Variants in BBX observed in about 807,000 individuals in gnomAD.
BBX encodes HMG box transcription factor BBX.
A neutral mutation model predicts 100.2 loss-of-function variants in BBX; 30 were observed. The observed-to-expected ratio is 0.30, with a 90% CI of 0.22 to 0.41. The LOEUF is 0.41. BBX is among the 10% of genes least tolerant of loss of function. The pLI is 1.00. For missense variants in BBX, 1,023 were observed against 1,129.8 expected (o/e 0.91, Z 1.35); for synonymous variants, 376 against 388.1 (o/e 0.97, Z 0.37).
intron 3 of BBX, among the ~76,000 whole-genome samples, chr3:107,656,133 A>C (rs1030446306): frequency 6.6e-6 from 1 of 152,140 alleles, no homozygotes; most frequent in Non-Finnish European, 1.5e-5. Flanking sequence ...ATTTTCCTTC[A>C]TTTCAAGTTA....
chr3:107,741,001 A>G (rs1431692064), intron 7 of BBX, among the ~76,000 whole-genome samples: 1 of 149,962 alleles, frequency 6.7e-6, no homozygotes, highest in Non-Finnish European at 1.5e-5. Context: ...GCTTCTTGAA[A>G]GTAGCAGTCT....
intron 2 of BBX, among the ~76,000 whole-genome samples, chr3:107,640,095 A>G (rs1048357676): frequency 2.0e-5 from 3 of 152,176 alleles, no homozygotes; most frequent in Non-Finnish European, 4.4e-5. Flanking sequence ...CAACAATTAG[A>G]GATGTAGGGA....
At chr3:107,604,144 G>C (rs1464242923) in intron 2 of BBX, among the ~76,000 whole-genome samples, 1 of 152,138 alleles carries the variant, frequency 6.6e-6, no homozygotes, top group African/African-American at 2.4e-5. Context: ...TGGGGATGGG[G>C]CCTGGGCATT....
At chr3:107,611,573 G>A (rs565433488) in intron 2 of BBX, among the ~76,000 whole-genome samples, 167 of 152,268 alleles carry the variant, frequency 1.1e-3, no homozygotes, top group African/African-American at 3.6e-3. Context: ...CCTGGCTTGT[G>A]AGGTTTCCAC....
chr3:107,713,959 A>ATTT (rs1233095247), intron 4 of BBX, among the ~76,000 whole-genome samples: 1 of 102,394 alleles, frequency 9.8e-6, no homozygotes, highest in Non-Finnish European at 2.2e-5. Flanking sequence ...TTTTTTAATA[A>ATTT]TTTTTTTCTT....
At chr3:107,583,246 A>T (rs759622786) in intron 2 of BBX, among the ~76,000 whole-genome samples, 2 of 152,030 alleles carry the variant, frequency 1.3e-5, no homozygotes, top group Non-Finnish European at 2.9e-5. Context: ...TAAGAGTCTT[A>T]TAGTGAGCTT....
At chr3:107,685,244 A>G (rs1359987462) in intron 3 of BBX, among the ~76,000 whole-genome samples, 2 of 152,172 alleles carry the variant, frequency 1.3e-5, no homozygotes, top group African/African-American at 2.4e-5. Flanking sequence ...GAGAGTAGAC[A>G]CTGATTTGTC....
intron 9 of BBX, 99 bp downstream of exon 9, chr3:107,748,138 C>A: frequency 1.0e-6 from 1 of 967,838 alleles, no homozygotes; most frequent in Non-Finnish European, 1.6e-6. Context: ...TTTAGGCATG[C>A]CTGTTGTCAT....
intron 13 of BBX, among the ~76,000 whole-genome samples, chr3:107,780,182 A>G (rs1480958245): frequency 6.6e-6 from 1 of 152,068 alleles, no homozygotes; most frequent in African/African-American, 2.4e-5. Flanking sequence ...CAAAGATACC[A>G]AGTATCTTGA....
At position 107,535,328 on chromosome 3, in the gene BBX, A is replaced by G. The variant is rs1471617420; in HGVS notation, c.-84+8930A>G. Among the ~76,000 whole-genome samples the G allele has an allele frequency of 7.2e-5, 11 of 152,274 alleles. No individual in the cohort carries two copies. The South Asian group carries it at 2.1e-3, about 29-fold the overall frequency. On this transcript the variant is annotated intron_variant, in intron 2 of 17. Coordinates refer to ENST00000325805, the MANE Select transcript of BBX (RefSeq NM_001142568.3). ...TACTTTATCACTTGTAAGGAAAGTTACGTGAAAAAGTCTCTGACCTGGGGC... is the reference window on the plus strand; with the variant it reads ...TACTTTATCACTTGTAAGGAAAGTTGCGTGAAAAAGTCTCTGACCTGGGGC...
At chr3:107,683,876 ATAGTTCTTTTCCATGAAAGCT>A (rs1226213940) in intron 3 of BBX, among the ~76,000 whole-genome samples, 1 of 152,206 alleles carries the variant, frequency 6.6e-6, no homozygotes, top group Non-Finnish European at 1.5e-5. Context: ...CCTTAAAAGC[ATAGTTCTTTTCCATGAAAGCT>A]GCTTTATTTT....
intron 3 of BBX, among the ~76,000 whole-genome samples, chr3:107,664,485 C>T (rs2058638889): frequency 1.3e-5 from 2 of 152,090 alleles, no homozygotes; most frequent in Admixed American, 6.5e-5. Flanking sequence ...TTTTAGTTTG[C>T]CTGTAAACAT....
chr3:107,625,720 G>A (rs781690199), intron 2 of BBX, among the ~76,000 whole-genome samples: 5 of 152,124 alleles, frequency 3.3e-5, no homozygotes, highest in Non-Finnish European at 5.9e-5. Flanking sequence ...GGACATAAAT[G>A]CTTATAGTCT....
chr3:107,539,397 T>G (rs761434358), intron 2 of BBX, among the ~76,000 whole-genome samples: 1 of 152,056 alleles, frequency 6.6e-6, no homozygotes. Flanking sequence ...GATGGGTGAT[T>G]AGGGAGGGAA....
chr3:107,640,465 T>G (rs2057121784), intron 2 of BBX, among the ~76,000 whole-genome samples: 1 of 152,186 alleles, frequency 6.6e-6, no homozygotes, highest in African/African-American at 2.4e-5. Context: ...CCATTGGTTC[T>G]TCAGGTTCCA....
At chr3:107,620,614 G>A (rs1195042353) in intron 2 of BBX, among the ~76,000 whole-genome samples, 2 of 152,172 alleles carry the variant, frequency 1.3e-5, no homozygotes, top group African/African-American at 4.8e-5. Flanking sequence ...GTCCTCCATT[G>A]ACACCTGAGT....
At chr3:107,805,347 T>TTTTTCTTCC in intron 17 of BBX, 23 bp from the exon 18 acceptor site, 1 of 1,599,312 alleles carries the variant, frequency 6.3e-7, no homozygotes, top group Non-Finnish European at 8.5e-7. Context: ...AATAAGTGAC[T>TTTTTCTTCC]TTTTCTTCCT....
At chr3:107,699,008 C>T (rs1228970287) in intron 3 of BBX, among the ~76,000 whole-genome samples, 1 of 151,788 alleles carries the variant, frequency 6.6e-6, no homozygotes, top group Non-Finnish European at 1.5e-5. Flanking sequence ...CTTCAGGGAA[C>T]AGTCCTAGAA....
chr3:107,605,374 T>TC (rs554273651), intron 2 of BBX, among the ~76,000 whole-genome samples: 1 of 37,548 alleles, frequency 2.7e-5, no homozygotes, highest in Non-Finnish European at 4.9e-5. Flanking sequence ...CTTCACTTTC[T>TC]ATTTTTTTTT....
Sources: allele counts gnomAD v4.1 joint callset (sites outside exome capture counted in the v4.1 genomes callset), GRCh38; gene constraint gnomAD v4.1.1; transcripts MANE v1.5; gene names NCBI Gene and HGNC (gene_info 2026-07-23, HGNC 2026-07-21).